ELF2: variants seen among roughly 807,000 people sequenced by gnomAD.
ELF2 encodes ETS-related transcription factor Elf-2.
In ELF2, 11 loss-of-function variants were observed where a neutral mutation model predicts 54.8. The ratio of observed to expected loss-of-function variants is 0.20; its 90% CI spans 0.13 to 0.33. The LOEUF (loss-of-function observed/expected upper bound fraction) is 0.33, where lower values mean the gene tolerates loss of function less well. Ranked by LOEUF, ELF2 falls within the 10% of genes least tolerant of loss-of-function variation. ELF2 has a pLI of 1.00. For synonymous variants in ELF2, 203 were observed against 245.1 expected, an observed-to-expected ratio of 0.83 and a Z score of 1.61; for missense variants, 513 against 703.0, an observed-to-expected ratio of 0.73 and a Z score of 3.06.
chr4:139,086,487 T>C (rs1164685784), intron 4 of ELF2, among the ~76,000 whole-genome samples: 2 of 152,236 alleles, frequency 1.3e-5, no homozygotes, highest in African/African-American at 4.8e-5. Context: ...TAAATGTCTA[T>C]TTGAGCTTTT....
chr4:139,071,780 ATAC>A (rs1729544146), intron 6 of ELF2, 83 bp downstream of exon 6: 6 of 1,238,842 alleles, frequency 4.8e-6, no homozygotes, highest in Non-Finnish European at 6.7e-6. Flanking sequence ...TCTACAGCAT[ATAC>A]TACTTTCTAT....
At chr4:139,123,409 A>C (rs910800539) in intron 4 of ELF2, among the ~76,000 whole-genome samples, 8 of 152,190 alleles carry the variant, frequency 5.3e-5, no homozygotes, top group Non-Finnish European at 8.8e-5. Flanking sequence ...ACAATCACTA[A>C]TATCTCTGCC....
chr4:139,122,973 A>G (rs1293149198), intron 4 of ELF2, among the ~76,000 whole-genome samples: 1 of 151,918 alleles, frequency 6.6e-6, no homozygotes, highest in Admixed American at 6.6e-5. Context: ...TCACGAAGTC[A>G]AGAAATCGAG....
At chr4:139,177,636 C>G (rs1005321930), upstream of ELF2, among the ~76,000 whole-genome samples, 19 of 152,118 alleles carry the variant, frequency 1.2e-4, no homozygotes, top group Non-Finnish European at 2.1e-4. Context: ...GCAGGGGGCT[C>G]TGCCGCACGG....
At chr4:139,172,903 G>T (rs976097983) in intron 1 of ELF2, among the ~76,000 whole-genome samples, 3 of 67,306 alleles carry the variant, frequency 4.5e-5, no homozygotes, top group Non-Finnish European at 8.9e-5. Flanking sequence ...GGGGGGGGGG[G>T]GGCTATCATA....
intron 1 of ELF2, among the ~76,000 whole-genome samples, chr4:139,143,865 G>A (rs1738953592): frequency 1.3e-5 from 2 of 151,986 alleles, no homozygotes; most frequent in South Asian, 4.1e-4. Flanking sequence ...CACATGCCCA[G>A]GCTCAGAAAA....
chr4:139,132,870 AT>A (rs1560848599), intron 3 of ELF2, among the ~76,000 whole-genome samples: 31 of 96,416 alleles, frequency 3.2e-4, no homozygotes, highest in Non-Finnish European at 4.7e-4. Flanking sequence ...ATATATATAT[AT>A]ATAAAATATG....
At position 139,058,723 on chromosome 4, in the gene ELF2, G is replaced by T; in HGVS notation, c.*260C>A. 1 of 404,320 alleles carries T rather than the reference G, an allele frequency of 2.5e-6. No individual in the cohort carries two copies. Among genetic ancestry groups the T allele is most frequent in the East Asian group, 4.7e-5 (1 of 21,496 alleles). The allele number at this position is 404,320 out of a possible 1,614,324, so 25.0% of individuals were successfully genotyped here. ...ACTTGATATCGTAGTGAGCTGCTTG[G>T]TCCCTTTCGATCCTTTTTCTTATTG... On this transcript the variant is annotated 3_prime_UTR_variant, in exon 10 of 10. Coordinates refer to ENST00000686138, the MANE Select transcript of ELF2 (RefSeq NM_001331036.3).
intron 1 of ELF2, among the ~76,000 whole-genome samples, chr4:139,144,220 A>G (rs1183882492): frequency 1.3e-5 from 2 of 152,116 alleles, no homozygotes; most frequent in African/African-American, 2.4e-5. Context: ...CACCCCCACT[A>G]TGAAAACTAG....
chr4:139,136,044 A>G (rs1193253194), intron 3 of ELF2, among the ~76,000 whole-genome samples: 1 of 152,220 alleles, frequency 6.6e-6, no homozygotes, highest in African/African-American at 2.4e-5. Context: ...TCCCCTCATA[A>G]GGTTAAAACA....
chr4:139,103,443 T>A (rs968182759), intron 4 of ELF2, among the ~76,000 whole-genome samples: 1 of 152,296 alleles, frequency 6.6e-6, no homozygotes, highest in Non-Finnish European at 1.5e-5. Context: ...CAACCACCAA[T>A]AGCCAATGAC....
At chr4:139,173,757 CAAAA>C (rs1195159962) in intron 1 of ELF2, among the ~76,000 whole-genome samples, 1 of 47,582 alleles carries the variant, frequency 2.1e-5, no homozygotes, top group Non-Finnish European at 4.5e-5. Context: ...GACTCCGTCT[CAAAA>C]AAAAAAAAAA....
chr4:139,071,895 T>C lies in ELF2; in HGVS notation c.497A>G (p.Asp166Gly). 1.2e-6 allele frequency: 2 copies of C among 1,605,000 alleles called. No homozygotes were observed. Among genetic ancestry groups the C allele is most frequent in the Non-Finnish European group, 1.7e-6 (2 of 1,178,166 alleles). ...MDTSPIPTSPDSHEPMKKKKV... is the reference protein window; with the variant it reads ...MDTSPIPTSPGSHEPMKKKKV... ...TTTCTTTTTCATTGGTTCATGGCTATCTGGTGATGTTGGAATAGGAGAGGT... is the reference window on the plus strand; with the variant it reads ...TTTCTTTTTCATTGGTTCATGGCTACCTGGTGATGTTGGAATAGGAGAGGT... Residue 166 changes from aspartate to glycine, a missense_variant, in exon 6 of 10, where the codon GAT (aspartate) becomes GGT (glycine). This residue lies in a region of ELF2 where 203 missense variants were observed against 245.9 expected (regional missense o/e 0.83). Transcript: ENST00000686138.
At chr4:139,137,917 CATAA>C (rs1485785382) in intron 2 of ELF2, 50 bp from the exon 3 acceptor site, 5 of 1,215,370 alleles carry the variant, frequency 4.1e-6, no homozygotes, top group Admixed American at 3.7e-5. Context: ...ACAGGAAGGA[CATAA>C]ATAAAGCATA....
intron 4 of ELF2, among the ~76,000 whole-genome samples, chr4:139,114,562 C>CCAGTCTCACACACACACACACACACACAG (rs1553963871): frequency 2.0e-4 from 2 of 10,144 alleles, no homozygotes; most frequent in South Asian, 3.7e-3. Context: ...ACTTCAGTCT[C>CCAGTCTCACACACACACACACACACACAG]ACACACACAC....
chr4:139,090,938 T>C (rs1732505460), intron 4 of ELF2, among the ~76,000 whole-genome samples: 1 of 151,884 alleles, frequency 6.6e-6, no homozygotes. Context: ...TTTTGTTTTG[T>C]TTTGTTTTGT....
intron 1 of ELF2, among the ~76,000 whole-genome samples, chr4:139,151,022 TCAAA>T (rs1370798492): frequency 1.9e-5 from 1 of 51,968 alleles, no homozygotes; most frequent in African/African-American, 1.3e-4. Flanking sequence ...AGGCTCCATC[TCAAA>T]AAAAAAAAAG....
intron 4 of ELF2, among the ~76,000 whole-genome samples, chr4:139,089,039 G>C (rs893596174): frequency 3.3e-5 from 5 of 152,168 alleles, no homozygotes; most frequent in Non-Finnish European, 7.3e-5. Flanking sequence ...TTACAGGCGT[G>C]AGCCGCCGTG....
At chr4:139,108,600 T>G in intron 4 of ELF2, among the ~76,000 whole-genome samples, 1 of 151,374 alleles carries the variant, frequency 6.6e-6, no homozygotes, top group East Asian at 1.9e-4. Flanking sequence ...TCCATTCATA[T>G]TCTAAAAAAA....
Sources: gnomAD v4.1 joint callset for allele counts (sites outside exome capture counted in the v4.1 genomes callset) on GRCh38, gnomAD v4.1.1 for gene constraint, gnomAD v4.1.1 regional missense constraint, MANE v1.5 for transcripts, NCBI Gene and HGNC (gene_info 2026-07-23, HGNC 2026-07-21) for gene names.